The following NPC1L1 variants were observed in gnomAD, a reference collection of about 807,000 sequenced individuals.
The protein encoded by NPC1L1 is NPC1-like intracellular cholesterol transporter 1.
A neutral mutation model predicts 117.0 loss-of-function variants in NPC1L1; 98 were observed. The observed-to-expected ratio is 0.84, with a 90% CI of 0.71 to 0.99. NPC1L1 has a LOEUF of 0.99. NPC1L1 is among the 50% of genes least tolerant of loss of function. The pLI, the probability that NPC1L1 is intolerant of heterozygous loss-of-function variation, is 0.00. For synonymous variants in NPC1L1, 729 were observed against 727.6 expected (o/e 1.00, Z -0.03); for missense variants, 1,540 against 1,710.0 (o/e 0.90, Z 1.75).
rs1300318507 is a variant in NPC1L1, at chr7:44,538,690, G to C, written c.1580+127C>G. The C allele has an allele frequency of 1.0e-6, 1 of 969,622 alleles. No individual in the cohort carries two copies. The highest frequency in any genetic ancestry group is 1.6e-6 in the Non-Finnish European group (1 of 611,570). 60.1% of individuals were successfully genotyped at this position (969,622 alleles called of 1,614,324 possible). A position where few individuals can be genotyped will look rare whatever the true frequency, so the allele number is the denominator to read the frequency against. On this transcript the variant is annotated intron_variant, in intron 2 of 18. Coordinates refer to ENST00000381160, the MANE Select transcript of NPC1L1 (RefSeq NM_001101648.2). This position sits in a 1 kb window ranked among gnomAD's most constrained non-coding sequence, Gnocchi z 5.9. ...TAATCATCTGGGCGGCCCCAGGCCA[G>C]AGCCGTAGGAATAGCTACCTCTGGT...
At chr7:44,521,678 G>T in intron 12 of NPC1L1, 34 bp downstream of exon 12, 1 of 1,613,792 alleles carries the variant, frequency 6.2e-7, no homozygotes, top group Non-Finnish European at 8.5e-7. Flanking sequence ...CCCGAGCTGT[G>T]GTGGACAGTG....
chr7:44,539,023 C>T lies in NPC1L1; in HGVS notation c.1374G>A (p.Ser458=), dbSNP rs148541253. ...QERLRHLQVW[S]PEAQRNISLQ... ...GGGAGATGTTGCGCTGTGCTTCGGG[C>T]GACCATACCTGGAGGTGCCGCAGCC... Residue 458 remains serine, a synonymous_variant, in exon 2 of 19, where the codon TCG becomes TCA. Coordinates refer to ENST00000381160, the MANE Select transcript of NPC1L1 (RefSeq NM_001101648.2). The surrounding 1 kb of genome is among the most constrained non-coding windows in gnomAD (Gnocchi z 4.4). 346 of 1,613,964 alleles carry T rather than the reference C, an allele frequency of 2.1e-4. 1 individual carries two copies. The highest frequency in any genetic ancestry group is 4.6e-4 in the South Asian group (42 of 91,084).
Position 44,515,000 on chromosome 7 carries a change from G to A in NPC1L1, c.3796+803C>T, listed in dbSNP as rs138167709. ...TGCACTCCAGCCTGGGCAACAGAGCGAGACTCCATCTCAAAAAATAAAAAT... is the reference window on the plus strand; with the variant it reads ...TGCACTCCAGCCTGGGCAACAGAGCAAGACTCCATCTCAAAAAATAAAAAT... On this transcript the variant is annotated intron_variant, in intron 18 of 18. Transcript: ENST00000381160. Among the ~76,000 whole-genome samples, 1,161 of 149,164 alleles carry A rather than the reference G, an allele frequency of 7.8e-3. 6 individuals are homozygous for A. Among genetic ancestry groups the A allele is most frequent in the Non-Finnish European group, 0.013 (844 of 67,252 alleles).
chr7:44,517,462 G>A (rs568748927), intron 14 of NPC1L1, 105 bp from the exon 15 acceptor site: 55 of 1,389,172 alleles, frequency 4.0e-5, no homozygotes, highest in Middle Eastern at 4.6e-4. Flanking sequence ...GTGATCAAGC[G>A]GGGTTCAGGG....
In NPC1L1 at chr7:44,533,605, G is replaced by A. The variant is rs370280139; in HGVS notation, c.2282-47C>T. On this transcript the variant is annotated intron_variant, in intron 7 of 18. Transcript: ENST00000381160. The stretch of plus-strand genomic sequence containing the variant: ...TCAGGGCACCCTGGCTTCAAGGGCA[G>A]AGTGGTAGCCGACATTGACAGGGTG... The A allele has an allele frequency of 2.5e-6, 4 of 1,613,808 alleles. No homozygotes were observed. In the South Asian group the frequency reaches 3.3e-5, roughly 13 times the overall value.
rs958299493 is a variant in NPC1L1, at chr7:44,534,905, T to C, written c.1984-276A>G. On this transcript the variant is annotated intron_variant, in intron 5 of 18. Transcript: ENST00000381160. The surrounding 1 kb of genome is among the most constrained non-coding windows in gnomAD (Gnocchi z 5.2). ...GAGATTTTAAGTCTTAGCTTTGCAT[T>C]TGGGCAAGTGAGGGTATGGCATGTA... Among the ~76,000 whole-genome samples the C allele has an allele frequency of 6.6e-6, 1 of 152,136 alleles. No individual in the cohort carries two copies. The highest frequency in any genetic ancestry group is 1.5e-5 in the Non-Finnish European group (1 of 68,034).
chr7:44,516,171 C>A lies in NPC1L1; in HGVS notation c.3546G>T (p.Val1182=). Reference sequence around the variant, plus strand: ...TGGCAAAGGAGCGGGTAATGTGGGACACAAACTCCACAGACATGCCCACCG... The same window carrying A: ...TGGCAAAGGAGCGGGTAATGTGGGAAACAAACTCCACAGACATGCCCACCG... ...VSAVGMSVEF[V]SHITRSFAIS... is the part of the protein sequence containing the mutation. The change falls in exon 17 of 19, where the codon GTG becomes GTT. Residue 1182 remains valine (V), a synonymous_variant. Coordinates refer to ENST00000381160, the MANE Select transcript of NPC1L1 (RefSeq NM_001101648.2). The A allele has an allele frequency of 6.2e-7, 1 of 1,609,980 alleles. No individual in the cohort carries two copies. The highest frequency in any genetic ancestry group is 8.5e-7 in the Non-Finnish European group (1 of 1,178,118).
At chr7:44,537,211 T>C (rs1801927158) in intron 2 of NPC1L1, among the ~76,000 whole-genome samples, 1 of 152,200 alleles carries the variant, frequency 6.6e-6, no homozygotes, top group Non-Finnish European at 1.5e-5. Flanking sequence ...CCTGAGTGCC[T>C]TCTCTGTGGC....
rs981010113 is a variant in NPC1L1 at position 44,534,383 on chromosome 7, G to A, written c.2166+64C>T. 19 of 1,540,198 alleles carry A rather than the reference G, an allele frequency of 1.2e-5. No homozygotes were observed. The highest frequency in any genetic ancestry group is 1.7e-4 in the Middle Eastern group (1 of 5,948). On this transcript the variant is annotated intron_variant, in intron 6 of 18. Coordinates refer to ENST00000381160, the MANE Select transcript of NPC1L1 (RefSeq NM_001101648.2). The surrounding 1 kb of genome is among the most constrained non-coding windows in gnomAD (Gnocchi z 5.2). The stretch of plus-strand genomic sequence containing the variant: ...CAAATTCACGCCAGAGTCCCATCAG[G>A]CCAGGAGGTGAGGTTGGGAGAAGAG...
chr7:44,519,002 T>TCA (rs2117026419), intron 14 of NPC1L1, among the ~76,000 whole-genome samples: 1 of 151,602 alleles, frequency 6.6e-6, no homozygotes, highest in Non-Finnish European at 1.5e-5. Flanking sequence ...TCTCTCTCTT[T>TCA]CTCTCTCTCT....
chr7:44,536,510 CT>C lies in NPC1L1; in HGVS notation c.1682-83del. On this transcript the variant is annotated intron_variant, in intron 3 of 18. Transcript: ENST00000381160. This position sits in a 1 kb window ranked among gnomAD's most constrained non-coding sequence, Gnocchi z 4.7. ...AGCTGCACCCCTATATTCCCTCCCC[CT>C]ATCTAGCTGCACCCCTCCCATCACC... 4.8e-6 allele frequency: 7 copies of C among 1,472,064 alleles called. No individual in the cohort carries two copies. The highest frequency in any genetic ancestry group is 2.3e-5 in the East Asian group (1 of 44,188). The allele number at this position is 1,472,064 out of a possible 1,614,324, so 91.2% of individuals were successfully genotyped here.
intron 10 of NPC1L1, among the ~76,000 whole-genome samples, chr7:44,523,414 G>T (rs552466714): frequency 6.6e-6 from 1 of 152,236 alleles, no homozygotes; most frequent in South Asian, 2.1e-4. Context: ...CCAGGATAAG[G>T]CTTGGACAGT....
intron 5 of NPC1L1, among the ~76,000 whole-genome samples, chr7:44,535,057 A>AC (rs1051573746): frequency 4.6e-5 from 7 of 151,552 alleles, no homozygotes; most frequent in Non-Finnish European, 8.8e-5. Context: ...AAAAAGCGAG[A>AC]CCCCATCTCT....
Position 44,528,782 on chromosome 7 carries a change from A to C in NPC1L1, c.2637+2973T>G, listed in dbSNP as rs193113946. ...TTAAACTCTCCAATCAAAAGAGAGTAGTAGGACCAGGCATGGTGGCTCACG... is the reference window on the plus strand; with the variant it reads ...TTAAACTCTCCAATCAAAAGAGAGTCGTAGGACCAGGCATGGTGGCTCACG... On this transcript the variant is annotated intron_variant, in intron 10 of 18. Transcript: ENST00000381160. 2.6e-4 allele frequency among the ~76,000 whole-genome samples: 39 copies of C among 152,316 alleles called. No homozygotes were observed. In the East Asian group the frequency reaches 5.2e-3, roughly 20 times the overall value.
intron 16 of NPC1L1, 134 bp from the exon 17 acceptor site, chr7:44,516,331 C>T: frequency 1.2e-6 from 1 of 812,690 alleles, no homozygotes; most frequent in Non-Finnish European, 2.1e-6. Flanking sequence ...TGGCCGGGTG[C>T]AGTGGCTCAT....
rs1205500408 is a variant in NPC1L1 at position 44,541,308 on chromosome 7, C to T, written c.-49G>A. The T allele has an allele frequency of 2.6e-6, 4 of 1,532,364 alleles. No homozygotes were observed. The highest frequency in any genetic ancestry group is 2.0e-5 in the Admixed American group (1 of 50,688). 94.9% of individuals were successfully genotyped at this position (1,532,364 alleles called of 1,614,324 possible). A position where few individuals can be genotyped will look rare whatever the true frequency, so the allele number is the denominator to read the frequency against. ...GGGGAGCCAGGCCAGGCCTCAGGAA[C>T]AGCCAAGGGCTGAACACACATTAAG... On this transcript the variant is annotated 5_prime_UTR_variant, in exon 1 of 19. Coordinates refer to ENST00000381160, the MANE Select transcript of NPC1L1 (RefSeq NM_001101648.2).
chr7:44,533,356 G>C (rs1801760218), intron 8 of NPC1L1, 75 bp downstream of exon 8: 2 of 1,597,802 alleles, frequency 1.3e-6, no homozygotes, highest in African/African-American at 2.7e-5. Context: ...CTCTGTGGTG[G>C]TAAAGCCACC....
intron 10 of NPC1L1, among the ~76,000 whole-genome samples, chr7:44,527,812 A>G (rs1585138574): frequency 6.6e-6 from 1 of 152,294 alleles, no homozygotes; most frequent in East Asian, 1.9e-4. Context: ...ATGATTTTGG[A>G]TACATAATGC....
In NPC1L1 at chr7:44,529,381, CT is replaced by C. The variant is rs374200724; in HGVS notation, c.2637+2373del. ...CTATACTAAGATCAGACAAAATATA[CT>C]TTTTTTTTTTTTTTGAGACGAATCC... is the stretch of plus-strand genomic sequence containing the variant. On this transcript the variant is annotated intron_variant, in intron 10 of 18. Coordinates refer to ENST00000381160, the MANE Select transcript of NPC1L1 (RefSeq NM_001101648.2). Among the ~76,000 whole-genome samples the C allele has an allele frequency of 7.4e-3, 1,041 of 141,602 alleles. 5 individuals carry two copies. Among genetic ancestry groups the C allele is most frequent in the Middle Eastern group, 0.029 (8 of 278 alleles). 92.9% of individuals were successfully genotyped at this position (141,602 alleles called of 152,430 possible). A position where few individuals can be genotyped will look rare whatever the true frequency, so the allele number is the denominator to read the frequency against.
Sources: gnomAD v4.1 joint callset for allele counts (sites outside exome capture counted in the v4.1 genomes callset) on GRCh38, gnomAD v4.1.1 for gene constraint, Gnocchi (gnomAD v3.1) non-coding constraint, MANE v1.5 for transcripts, NCBI Gene and HGNC (gene_info 2026-07-23, HGNC 2026-07-21) for gene names.